Variants in ITFG1 observed in about 807,000 individuals in gnomAD.
ITFG1 encodes integrin alpha FG-GAP repeat containing 1, also known as T-cell immunomodulatory protein.
In ITFG1, 34 loss-of-function variants were observed where a neutral mutation model predicts 81.8. The observed-to-expected ratio is 0.42, with a 90% CI of 0.32 to 0.55. ITFG1 has a LOEUF of 0.55. Ranked by LOEUF, ITFG1 falls within the 20% of genes least tolerant of loss-of-function variation. ITFG1 has a pLI of 0.17. For synonymous variants in ITFG1, 285 were observed against 270.6 expected (o/e 1.05, Z -0.52); for missense variants, 672 against 755.4 (o/e 0.89, Z 1.29).
chr16:47,160,095 CA>C (rs1964777902), intron 16 of ITFG1, among the ~76,000 whole-genome samples: 2 of 150,032 alleles, frequency 1.3e-5, no homozygotes, highest in African/African-American at 4.9e-5. Flanking sequence ...GTGTTATACT[CA>C]TACTTAAGAA....
chr16:47,458,803 G>T (rs1422282892), intron 2 of ITFG1, among the ~76,000 whole-genome samples: 1 of 151,830 alleles, frequency 6.6e-6, no homozygotes, highest in Admixed American at 6.6e-5. Flanking sequence ...GCTGCCTCAA[G>T]ATGAGGCACA....
chr16:47,266,086 C>T (rs1477937193), intron 10 of ITFG1, among the ~76,000 whole-genome samples: 2 of 151,884 alleles, frequency 1.3e-5, no homozygotes, highest in African/African-American at 2.4e-5. Context: ...AAAATATATA[C>T]GAAAATATAT....
intron 10 of ITFG1, among the ~76,000 whole-genome samples, chr16:47,307,740 AC>A (rs1967192992): frequency 6.6e-6 from 1 of 152,148 alleles, no homozygotes; most frequent in Non-Finnish European, 1.5e-5. Flanking sequence ...TGATCCCATC[AC>A]CCAGGTACTG....
intron 10 of ITFG1, among the ~76,000 whole-genome samples, chr16:47,289,036 T>C (rs563234509): frequency 6.6e-6 from 1 of 152,228 alleles, no homozygotes; most frequent in Non-Finnish European, 1.5e-5. Context: ...CTTCTGTACC[T>C]AAATTATTGA....
chr16:47,269,062 TG>T (rs2151545333), intron 10 of ITFG1, among the ~76,000 whole-genome samples: 1 of 152,292 alleles, frequency 6.6e-6, no homozygotes, highest in African/African-American at 2.4e-5. Flanking sequence ...ATACTAATGG[TG>T]GAAGACTGAA....
At chr16:47,270,846 G>C (rs576760040) in intron 10 of ITFG1, among the ~76,000 whole-genome samples, 1 of 150,314 alleles carries the variant, frequency 6.7e-6, no homozygotes, top group Non-Finnish European at 1.5e-5. Flanking sequence ...TAAAATATTA[G>C]AAAATGCAAT....
intron 2 of ITFG1, among the ~76,000 whole-genome samples, chr16:47,456,134 T>C (rs1227640905): frequency 6.6e-6 from 1 of 151,930 alleles, no homozygotes; most frequent in African/African-American, 2.4e-5. Context: ...CAGGATTAGG[T>C]GCCTACAGTG....
chr16:47,390,749 C>G (rs908984375), intron 6 of ITFG1, among the ~76,000 whole-genome samples: 1 of 152,068 alleles, frequency 6.6e-6, no homozygotes, highest in East Asian at 1.9e-4. Flanking sequence ...AGTGAGTGAC[C>G]GTGCCCGGCC....
intron 13 of ITFG1, among the ~76,000 whole-genome samples, chr16:47,232,103 A>C (rs190165654): frequency 6.6e-6 from 1 of 152,214 alleles, no homozygotes; most frequent in Non-Finnish European, 1.5e-5. Flanking sequence ...CAAAGCCTCC[A>C]AAAAGGAAGG....
chr16:47,297,977 T>C (rs572428787), intron 10 of ITFG1, among the ~76,000 whole-genome samples: 4 of 152,296 alleles, frequency 2.6e-5, no homozygotes, highest in African/African-American at 7.2e-5. Flanking sequence ...GATTCATAAG[T>C]GTAATCATTA....
chr16:47,409,421 T>A (rs1168749926), intron 6 of ITFG1, among the ~76,000 whole-genome samples: 1 of 79,182 alleles, frequency 1.3e-5, no homozygotes, highest in Non-Finnish European at 2.5e-5. Flanking sequence ...TTTTTTTTTT[T>A]TTTTTTTTTT....
chr16:47,431,559 G>T (rs569450800), intron 5 of ITFG1, among the ~76,000 whole-genome samples: 1 of 152,152 alleles, frequency 6.6e-6, no homozygotes, highest in Non-Finnish European at 1.5e-5. Context: ...GGCTTAGTGG[G>T]TACAGGGTTC....
intron 2 of ITFG1, among the ~76,000 whole-genome samples, chr16:47,457,885 A>G (rs1969474122): frequency 6.6e-6 from 1 of 152,316 alleles, no homozygotes; most frequent in Admixed American, 6.5e-5. Flanking sequence ...TCACTACCCA[A>G]AAACACTTCT....
At chr16:47,359,118 A>G (rs1054901404) in intron 8 of ITFG1, among the ~76,000 whole-genome samples, 1 of 152,196 alleles carries the variant, frequency 6.6e-6, no homozygotes, top group African/African-American at 2.4e-5. Flanking sequence ...CAGAACACCA[A>G]GGAGGCAATG....
In ITFG1 at chr16:47,460,930, G is replaced by A. The variant is rs1487738065; in HGVS notation, c.116C>T (p.Ala39Val). 1 of 1,612,642 alleles carries A rather than the reference G, an allele frequency of 6.2e-7. No individual in the cohort carries two copies. The highest frequency in any genetic ancestry group is 8.5e-7 in the Non-Finnish European group (1 of 1,179,760). ...VPARALHNVT[A>V]ELFGAEAWGT... ...CCAGGCCTCGGCCCCAAAGAGCTCG[G>A]CCGTGACGTTGTGCAGCGCCCGCGC... Residue 39 changes from alanine (A) to valine (V), a missense_variant, in exon 1 of 18, where the codon GCC (alanine) becomes GTC (valine). Physicochemically the swap from Ala to Val is moderately conservative, Grantham distance 64. Coordinates refer to ENST00000320640, the MANE Select transcript of ITFG1 (RefSeq NM_030790.5).
intron 14 of ITFG1, among the ~76,000 whole-genome samples, chr16:47,163,966 C>T (rs977422903): frequency 1.3e-5 from 2 of 151,772 alleles, no homozygotes; most frequent in Non-Finnish European, 2.9e-5. Context: ...CACACACACA[C>T]ACACCAATTA....
Position 47,288,255 on chromosome 16 carries a change from T to C in ITFG1, c.1070+22985A>G, listed in dbSNP as rs1050507712. 2.6e-5 allele frequency among the ~76,000 whole-genome samples: 4 copies of C among 152,330 alleles called. 1 individual carries two copies. In the Middle Eastern group the frequency reaches 0.01, roughly 389 times the overall value. On this transcript the variant is annotated intron_variant, in intron 10 of 17. Coordinates refer to ENST00000320640, the MANE Select transcript of ITFG1 (RefSeq NM_030790.5). ...AATATAAAGTCCTCCAAGCTCATCA[T>C]GCTGTTATGAATGACAACATTTCCA...
intron 14 of ITFG1, among the ~76,000 whole-genome samples, chr16:47,180,277 A>C (rs1388311376): frequency 6.6e-6 from 1 of 150,780 alleles, no homozygotes; most frequent in Non-Finnish European, 1.5e-5. Flanking sequence ...TTGAATAACA[A>C]CATGATATCA....
chr16:47,431,713 T>C (rs1490447954), intron 5 of ITFG1, among the ~76,000 whole-genome samples: 1 of 152,246 alleles, frequency 6.6e-6, no homozygotes, highest in Non-Finnish European at 1.5e-5. Context: ...TTATGTTATG[T>C]GAATTTTATC....
Sources: allele counts gnomAD v4.1 joint callset (sites outside exome capture counted in the v4.1 genomes callset), GRCh38; gene constraint gnomAD v4.1.1; transcripts MANE v1.5; gene names NCBI Gene and HGNC (gene_info 2026-07-23, HGNC 2026-07-21).